Variants in PURG observed in about 807,000 individuals in gnomAD.
The protein encoded by PURG is purine-rich element-binding protein gamma.
In PURG, 3 loss-of-function variants were observed where a neutral mutation model predicts 24.3. The observed-to-expected ratio is 0.12, with a 90% confidence interval of 0.06 to 0.32. The LOEUF (loss-of-function observed/expected upper bound fraction) is 0.32, where lower values mean the gene tolerates loss of function less well. Among genes scored for constraint, PURG ranks in the 10% least tolerant of loss-of-function variants. The probability of loss-of-function intolerance (pLI) is 1.00; values close to 1 mark genes in which losing one functional copy is unlikely to be tolerated. For missense variants in PURG, 371 were observed against 439.1 expected (o/e 0.84, Z 1.39); for synonymous variants, 180 against 173.1 (o/e 1.04, Z -0.31).
chr8:31,027,787 T>C (rs1446241242), downstream of PURG, among the ~76,000 whole-genome samples: 1 of 151,752 alleles, frequency 6.6e-6, no homozygotes, highest in African/African-American at 2.4e-5. Context: ...TATCTAGTTT[T>C]CAAATGTACA....
chr8:31,009,521 T>C (rs922774987), intron 1 of PURG, among the ~76,000 whole-genome samples: 2 of 152,216 alleles, frequency 1.3e-5, no homozygotes, highest in Non-Finnish European at 1.5e-5. Context: ...TCCTCAGTGA[T>C]GCTACAAAAC....
intron 1 of PURG, among the ~76,000 whole-genome samples, chr8:31,022,419 T>C (rs1433288402): frequency 1.3e-5 from 2 of 152,258 alleles, no homozygotes; most frequent in Non-Finnish European, 2.9e-5. Flanking sequence ...AACTGTCATA[T>C]AGAAATCTGG....
chr8:31,001,299 C>T (rs999078534), intron 1 of PURG, among the ~76,000 whole-genome samples: 1 of 152,206 alleles, frequency 6.6e-6, no homozygotes, highest in Non-Finnish European at 1.5e-5. Flanking sequence ...CTATGAGAAT[C>T]ATTTCTACCC....
intron 1 of PURG, among the ~76,000 whole-genome samples, chr8:31,012,090 G>A (rs561820543): frequency 2.6e-5 from 4 of 152,238 alleles, no homozygotes; most frequent in South Asian, 2.1e-4. Context: ...TGGTGATTAA[G>A]TGAAAAGAGA....
downstream of PURG, among the ~76,000 whole-genome samples, chr8:31,026,372 A>C (rs757615533): frequency 5.3e-4 from 80 of 151,798 alleles, no homozygotes; most frequent in Non-Finnish European, 9.7e-4. Context: ...GAAGAGAGAA[A>C]GGAAACTAGT....
At chr8:31,022,965 C>T (rs1427865816) in intron 1 of PURG, among the ~76,000 whole-genome samples, 1 of 152,126 alleles carries the variant, frequency 6.6e-6, no homozygotes, top group Admixed American at 6.5e-5. Flanking sequence ...AGTTTTGGCA[C>T]GTAGGTGACT....
At chr8:31,016,144 C>T (rs1034762881) in intron 1 of PURG, among the ~76,000 whole-genome samples, 2 of 152,126 alleles carry the variant, frequency 1.3e-5, no homozygotes, top group African/African-American at 4.8e-5. Context: ...CTTTGGGAGG[C>T]CAAGGCGGGC....
intron 1 of PURG, chr8:30,996,769 C>T: frequency 8.9e-7 from 1 of 1,121,564 alleles, no homozygotes; most frequent in East Asian, 2.4e-5. Flanking sequence ...TTTCACAGTA[C>T]AAACCCATAA....
At chr8:31,021,969 TTC>T (rs1256447479) in intron 1 of PURG, among the ~76,000 whole-genome samples, 1 of 150,440 alleles carries the variant, frequency 6.6e-6, no homozygotes, top group Non-Finnish European at 1.5e-5. Context: ...ATTCATTTCT[TTC>T]TTTTTTTTTT....
At chr8:31,014,839 C>T (rs984867530) in intron 1 of PURG, among the ~76,000 whole-genome samples, 1 of 152,144 alleles carries the variant, frequency 6.6e-6, no homozygotes, top group Non-Finnish European at 1.5e-5. Flanking sequence ...AATACCAAAC[C>T]AGCCAGGAAG....
rs1811271940 is a variant in PURG at position 31,032,841 on chromosome 8, C to T, written c.-6-53G>A. On this transcript the variant is annotated intron_variant, in intron 1 of 1. Transcript: ENST00000523392. The surrounding 1 kb of genome is among the most constrained non-coding windows in gnomAD (Gnocchi z 5.9). ...TGGGGTGGGGGAGGGGTGTTGAGAA[C>T]AATCGCAGACGCCCCTCGGCCTGAC... The T allele has an allele frequency of 8.1e-6, 10 of 1,240,034 alleles. No individual in the cohort carries two copies. The highest frequency in any genetic ancestry group is 1.5e-5 in the African/African-American group (1 of 65,284). The allele number at this position is 1,240,034 out of a possible 1,614,324, so 76.8% of individuals were successfully genotyped here.
At chr8:30,996,813 A>G in intron 1 of PURG, 1 of 816,004 alleles carries the variant, frequency 1.2e-6, no homozygotes, top group Non-Finnish European at 1.9e-6. Flanking sequence ...GTTAGAAAGC[A>G]TGTAACAAAC....
At position 31,032,520 on chromosome 8, in the gene PURG, G is replaced by A; in HGVS notation, c.263C>T (p.Ala88Val). 1 of 1,614,218 alleles carries A rather than the reference G, an allele frequency of 6.2e-7. No individual in the cohort carries two copies. The highest frequency in any genetic ancestry group is 8.5e-7 in the Non-Finnish European group (1 of 1,180,046). The change falls in exon 2 of 2, where the codon GCC becomes GTC. Residue 88 changes from alanine to valine, a missense_variant. Physicochemically the swap from Ala to Val is moderately conservative, Grantham distance 64 (BLOSUM62 0). Coordinates refer to ENST00000523392, the MANE Select transcript of PURG (RefSeq NM_001323311.2). This position sits in a 1 kb window ranked among gnomAD's most constrained non-coding sequence, Gnocchi z 5.9. ...CCGGCCTCTCCCTATCCAGACTTCG[G>A]CTATCTTTAGGAAGCGGCCCCGGGA... ...QSSRGRFLKI[A>V]EVWIGRGRQD...
chr8:31,029,962 A>G (rs1451462785), downstream of PURG, among the ~76,000 whole-genome samples: 1 of 151,994 alleles, frequency 6.6e-6, no homozygotes, highest in Admixed American at 6.5e-5. Flanking sequence ...GTCCACAATT[A>G]TAATGAACTA....
At chr8:31,009,901 A>T (rs1810732645) in intron 1 of PURG, among the ~76,000 whole-genome samples, 1 of 152,140 alleles carries the variant, frequency 6.6e-6, no homozygotes, top group South Asian at 2.1e-4. Context: ...AGGGAAAACC[A>T]GTCTAGGGAA....
chr8:31,009,252 C>T (rs1263928678), intron 1 of PURG, among the ~76,000 whole-genome samples: 2 of 152,064 alleles, frequency 1.3e-5, no homozygotes, highest in Non-Finnish European at 2.9e-5. Context: ...CAGTGAAACC[C>T]CATCTCTTCC....
At chr8:31,026,602 TATATA>T (rs1163267676), downstream of PURG, among the ~76,000 whole-genome samples, 7 of 147,516 alleles carry the variant, frequency 4.7e-5, no homozygotes, top group Non-Finnish European at 7.5e-5. Context: ...CAAGATAGTA[TATATA>T]ATATGTTTTC....
chr8:31,023,315 A>C (rs1406900873), intron 1 of PURG, among the ~76,000 whole-genome samples: 1 of 152,238 alleles, frequency 6.6e-6, no homozygotes, highest in African/African-American at 2.4e-5. Flanking sequence ...GAAACTTTTG[A>C]AATTAGCAAA....
At chr8:31,008,838 C>G (rs1031498965) in intron 1 of PURG, among the ~76,000 whole-genome samples, 3 of 152,214 alleles carry the variant, frequency 2.0e-5, no homozygotes, top group Admixed American at 1.3e-4. Flanking sequence ...GACTGGCTGA[C>G]ACCAAGGTCT....
Sources: allele counts gnomAD v4.1 joint callset (sites outside exome capture counted in the v4.1 genomes callset), GRCh38; gene constraint gnomAD v4.1.1; non-coding constraint Gnocchi (gnomAD v3.1); transcripts MANE v1.5; gene names NCBI Gene and HGNC (gene_info 2026-07-23, HGNC 2026-07-21).